The following RNF150 variants were observed in gnomAD, a reference collection of about 807,000 sequenced individuals.
RNF150 encodes the protein ring finger protein 150.
Under a neutral mutation model 39.3 loss-of-function variants are expected in RNF150, and 24 were observed. The ratio of observed to expected loss-of-function variants is 0.61; its 90% CI spans 0.44 to 0.86. RNF150 has a LOEUF of 0.86. Ranked by LOEUF, RNF150 falls within the 40% of genes least tolerant of loss-of-function variation. RNF150 has a pLI of 0.00. For synonymous variants in RNF150, 255 were observed against 227.3 expected, an observed-to-expected ratio of 1.12 and a Z score of -1.10; for missense variants, 502 against 587.8, an observed-to-expected ratio of 0.85 and a Z score of 1.51.
chr4:140,929,678 T>G (rs1731548577), intron 4 of RNF150, among the ~76,000 whole-genome samples: 1 of 152,114 alleles, frequency 6.6e-6, no homozygotes, highest in African/African-American at 2.4e-5. Context: ...GATGCTTAGT[T>G]TTTATGTGTC....
At chr4:141,083,480 A>G (rs914569293) in intron 1 of RNF150, among the ~76,000 whole-genome samples, 7 of 152,154 alleles carry the variant, frequency 4.6e-5, no homozygotes, top group African/African-American at 1.7e-4. Context: ...TGTTGGTTTT[A>G]GTAAGGAATG....
intron 1 of RNF150, among the ~76,000 whole-genome samples, chr4:140,988,533 C>T (rs1299308978): frequency 6.6e-6 from 1 of 151,992 alleles, no homozygotes; most frequent in Non-Finnish European, 1.5e-5. Context: ...TACATGTGCA[C>T]AACGTGCAGG....
intron 1 of RNF150, among the ~76,000 whole-genome samples, chr4:141,144,924 T>A (rs1002286536): frequency 6.6e-6 from 1 of 152,196 alleles, no homozygotes; most frequent in Non-Finnish European, 1.5e-5. Context: ...CATCAGCTAA[T>A]AATTTAAATT....
At chr4:141,042,333 G>C (rs1336756837) in intron 1 of RNF150, among the ~76,000 whole-genome samples, 1 of 151,876 alleles carries the variant, frequency 6.6e-6, no homozygotes, top group African/African-American at 2.4e-5. Context: ...TTAAATAAAG[G>C]GCAAATCAAC....
At chr4:140,983,098 C>T (rs908140442) in intron 1 of RNF150, among the ~76,000 whole-genome samples, 1 of 152,216 alleles carries the variant, frequency 6.6e-6, no homozygotes, top group Admixed American at 6.5e-5. Flanking sequence ...TCACAGTTCC[C>T]TTTTTCAGTT....
At chr4:141,102,157 T>C (rs1050094889) in intron 1 of RNF150, among the ~76,000 whole-genome samples, 1 of 152,192 alleles carries the variant, frequency 6.6e-6, no homozygotes, top group Non-Finnish European at 1.5e-5. Flanking sequence ...ATGTGGCATA[T>C]GACCGTATTT....
intron 1 of RNF150, among the ~76,000 whole-genome samples, chr4:141,189,765 T>C (rs554287354): frequency 1.6e-4 from 25 of 152,274 alleles, no homozygotes; most frequent in African/African-American, 5.1e-4. Flanking sequence ...AGCTGAAGCA[T>C]GCCAGGTTGA....
intron 1 of RNF150, among the ~76,000 whole-genome samples, chr4:141,050,361 A>G (rs1736731093): frequency 6.6e-6 from 1 of 152,138 alleles, no homozygotes; most frequent in Admixed American, 6.6e-5. Context: ...ACATTTCAAA[A>G]TGAATCATGC....
chr4:141,051,189 C>T (rs140162391), intron 1 of RNF150, among the ~76,000 whole-genome samples: 65 of 152,090 alleles, frequency 4.3e-4, no homozygotes, highest in African/African-American at 1.5e-3. Flanking sequence ...GCACCAAGTC[C>T]CTCCTAGACT....
chr4:141,176,563 C>T (rs1192533650), intron 1 of RNF150, among the ~76,000 whole-genome samples: 1 of 152,140 alleles, frequency 6.6e-6, no homozygotes, highest in Non-Finnish European at 1.5e-5. Flanking sequence ...ATGAAAAACA[C>T]CCTTCACCAC....
intron 1 of RNF150, among the ~76,000 whole-genome samples, chr4:141,016,140 T>C (rs976222900): frequency 2.0e-5 from 3 of 152,202 alleles, no homozygotes; most frequent in African/African-American, 7.2e-5. Flanking sequence ...TTCTTTTTAC[T>C]GCGTCCGTCC....
intron 6 of RNF150, among the ~76,000 whole-genome samples, chr4:140,909,884 C>G (rs1375131283): frequency 6.6e-6 from 1 of 152,106 alleles, no homozygotes; most frequent in Non-Finnish European, 1.5e-5. Flanking sequence ...TATTTCTCAC[C>G]AAGCTCCTCT....
chr4:141,024,359 T>C (rs549541178), intron 1 of RNF150, among the ~76,000 whole-genome samples: 2 of 152,082 alleles, frequency 1.3e-5, no homozygotes, highest in Non-Finnish European at 2.9e-5. Flanking sequence ...TGTGGGTCTC[T>C]CTCCACTGAG....
At chr4:141,123,122 T>C (rs1669012126) in intron 1 of RNF150, among the ~76,000 whole-genome samples, 1 of 152,220 alleles carries the variant, frequency 6.6e-6, no homozygotes, top group Non-Finnish European at 1.5e-5. Context: ...GAAAAAATAT[T>C]TAATGGCATA....
intron 6 of RNF150, among the ~76,000 whole-genome samples, chr4:140,882,120 C>T (rs959752756): frequency 2.6e-5 from 4 of 151,874 alleles, no homozygotes; most frequent in South Asian, 2.1e-4. Context: ...CCCAGGTTCA[C>T]GCCATTCTTC....
chr4:141,056,724 G>GC (rs148522603), intron 1 of RNF150, among the ~76,000 whole-genome samples: 4,200 of 152,018 alleles, frequency 0.028, 80 homozygotes, highest in Middle Eastern at 0.044. Context: ...AGGGAAAAAC[G>GC]CCTCTTGTTC....
rs540001043 is a variant in RNF150, at chr4:141,106,831, T to G, written c.484+25494A>C. Among the ~76,000 whole-genome samples the G allele has an allele frequency of 8.3e-4, 127 of 152,098 alleles. 2 individuals carry two copies. Among genetic ancestry groups the G allele is most frequent in the African/African-American group, 2.9e-3 (122 of 41,510 alleles). On this transcript the variant is annotated intron_variant, in intron 1 of 6. Coordinates refer to ENST00000515673, the MANE Select transcript of RNF150 (RefSeq NM_020724.2). Reference sequence around the variant, plus strand: ...TATATATATATTATTCCATCTACAATATTCTAGTCTACAATGTTCTAGTCT... The same window carrying G: ...TATATATATATTATTCCATCTACAAGATTCTAGTCTACAATGTTCTAGTCT...
At chr4:140,931,718 C>T (rs1258270110) in intron 4 of RNF150, among the ~76,000 whole-genome samples, 1 of 152,220 alleles carries the variant, frequency 6.6e-6, no homozygotes, top group African/African-American at 2.4e-5. Flanking sequence ...TTGGCCAAAA[C>T]TGTTTTCTTT....
At position 141,003,617 on chromosome 4, in the gene RNF150, ACT is replaced by A. The variant is rs572210995; in HGVS notation, c.485-35746_485-35745del. On this transcript the variant is annotated intron_variant, in intron 1 of 6. Transcript: ENST00000515673. ...CACACACACACACACACGTGTGCACACTCTGTTCTCCCCACAATCCCTGAAAT... is the reference window on the plus strand; with the variant it reads ...CACACACACACACACACGTGTGCACACTGTTCTCCCCACAATCCCTGAAAT... Among the ~76,000 whole-genome samples, 220 of 149,182 alleles carry A rather than the reference ACT, an allele frequency of 1.5e-3. 1 individual carries two copies. The highest frequency in any genetic ancestry group is 2.3e-3 in the Admixed American group (34 of 14,964).
Sources: allele counts gnomAD v4.1 joint callset (sites outside exome capture counted in the v4.1 genomes callset), GRCh38; gene constraint gnomAD v4.1.1; transcripts MANE v1.5; gene names NCBI Gene and HGNC (gene_info 2026-07-23, HGNC 2026-07-21).